PLCL1: variants seen among roughly 807,000 people sequenced by gnomAD.
PLCL1 encodes the protein inactive phospholipase C-like protein 1.
Under a neutral mutation model 84.4 loss-of-function variants are expected in PLCL1, and 41 were observed. The ratio of observed to expected loss-of-function variants is 0.49; its 90% CI spans 0.38 to 0.63. The LOEUF (loss-of-function observed/expected upper bound fraction) is 0.63. PLCL1 is among the 30% of genes least tolerant of loss of function. The probability of loss-of-function intolerance (pLI) is 0.00; values close to 1 mark genes in which losing one functional copy is unlikely to be tolerated. For missense variants in PLCL1, 1,206 were observed against 1,367.8 expected, an observed-to-expected ratio of 0.88 and a Z score of 1.87; for synonymous variants, 490 against 488.3, an observed-to-expected ratio of 1.00 and a Z score of -0.05.
At chr2:198,114,467 A>C (rs933572214) in intron 5 of PLCL1, among the ~76,000 whole-genome samples, 1 of 151,848 alleles carries the variant, frequency 6.6e-6, no homozygotes, top group African/African-American at 2.4e-5. Flanking sequence ...CCAACTTGTG[A>C]AGTTATTGAA....
At chr2:197,962,272 G>A (rs1689638064) in intron 1 of PLCL1, among the ~76,000 whole-genome samples, 1 of 151,924 alleles carries the variant, frequency 6.6e-6, no homozygotes, top group South Asian at 2.1e-4. Flanking sequence ...TTGCAGTTTG[G>A]GACATTTAAA....
Position 198,100,022 on chromosome 2 carries a change from T to G in PLCL1, c.2920-1263T>G, listed in dbSNP as rs565795173. Among the ~76,000 whole-genome samples, 20 of 152,196 alleles carry G rather than the reference T, an allele frequency of 1.3e-4. No homozygotes were observed. The South Asian group carries it at 4.1e-3, about 32-fold the overall frequency. Reference sequence around the variant, plus strand: ...TAGGAAAAATAAGAGTGGAGAAATCTAGAGACAAAAAGAGAGATGGGAGTT... The same window carrying G: ...TAGGAAAAATAAGAGTGGAGAAATCGAGAGACAAAAAGAGAGATGGGAGTT... On this transcript the variant is annotated intron_variant, in intron 3 of 5. Coordinates refer to ENST00000428675, the MANE Select transcript of PLCL1 (RefSeq NM_006226.4).
chr2:198,007,906 C>T (rs1444744031), intron 1 of PLCL1, among the ~76,000 whole-genome samples: 2 of 152,078 alleles, frequency 1.3e-5, no homozygotes, highest in Non-Finnish European at 2.9e-5. Flanking sequence ...AAATATGCCA[C>T]CCAAACCTAG....
chr2:197,895,964 C>T lies in PLCL1; in HGVS notation c.240+90625C>T, dbSNP rs190574243. Among the ~76,000 whole-genome samples, 273 of 151,858 alleles carry T rather than the reference C, an allele frequency of 1.8e-3. 2 individuals carry two copies. The highest frequency in any genetic ancestry group is 2.2e-3 in the Admixed American group (34 of 15,244). ...TGGGGTTTTTTTTGGTAATTGCTGT[C>T]CTCATTCAACATTATATATTATTCT... On this transcript the variant is annotated intron_variant, in intron 1 of 5. Transcript: ENST00000428675.
At chr2:197,873,750 T>C (rs984018103) in intron 1 of PLCL1, among the ~76,000 whole-genome samples, 12 of 152,136 alleles carry the variant, frequency 7.9e-5, no homozygotes, top group African/African-American at 2.7e-4. Flanking sequence ...CTTCCTCCAA[T>C]AGGAAAATCC....
intron 1 of PLCL1, among the ~76,000 whole-genome samples, chr2:197,899,728 C>T (rs1340190121): frequency 6.6e-6 from 1 of 150,916 alleles, no homozygotes. Context: ...CTCCGCCTCC[C>T]AGGTTCACGC....
intron 5 of PLCL1, among the ~76,000 whole-genome samples, chr2:198,116,056 T>G (rs1346638952): frequency 1.3e-5 from 2 of 149,514 alleles, no homozygotes; most frequent in Non-Finnish European, 3.0e-5. Context: ...TGTGTATATA[T>G]GTATATGTGT....
chr2:197,882,471 A>G (rs188867200), intron 1 of PLCL1, among the ~76,000 whole-genome samples: 67 of 152,262 alleles, frequency 4.4e-4, no homozygotes, highest in African/African-American at 1.6e-3. Flanking sequence ...TTTTCTAAAC[A>G]TTTTTTATCC....
At chr2:197,965,060 T>C (rs1574972397) in intron 1 of PLCL1, among the ~76,000 whole-genome samples, 2 of 152,278 alleles carry the variant, frequency 1.3e-5, no homozygotes, top group South Asian at 2.1e-4. Flanking sequence ...ATCAGGGTAA[T>C]ACTGGACTTG....
intron 1 of PLCL1, among the ~76,000 whole-genome samples, chr2:197,908,718 C>T (rs1688429813): frequency 6.6e-6 from 1 of 151,924 alleles, no homozygotes; most frequent in Non-Finnish European, 1.5e-5. Context: ...ATTTAATATC[C>T]TAACTTAAAA....
intron 1 of PLCL1, among the ~76,000 whole-genome samples, chr2:197,852,107 T>C (rs1331805841): frequency 6.6e-6 from 1 of 152,368 alleles, no homozygotes; most frequent in East Asian, 1.9e-4. Context: ...GTTTTTGATG[T>C]ACCGGGTGGT....
At position 197,887,975 on chromosome 2, in the gene PLCL1, C is replaced by A. The variant is rs1298044043; in HGVS notation, c.240+82636C>A. 4.0e-5 allele frequency among the ~76,000 whole-genome samples: 6 copies of A among 151,764 alleles called. No individual in the cohort carries two copies. In the South Asian group the frequency reaches 1.3e-3, roughly 32 times the overall value. On this transcript the variant is annotated intron_variant, in intron 1 of 5. Coordinates refer to ENST00000428675, the MANE Select transcript of PLCL1 (RefSeq NM_006226.4). The stretch of plus-strand genomic sequence containing the variant: ...AGTGCGGTGGTGTGTGGCTCTGGTC[C>A]CAGGTACTTGGGAGGCTGAAGTAGG...
At position 198,084,754 on chromosome 2, in the gene PLCL1, C is replaced by T; in HGVS notation, c.1237C>T (p.His413Tyr). 1 of 1,614,100 alleles carries T rather than the reference C, an allele frequency of 6.2e-7. No individual in the cohort carries two copies. Among genetic ancestry groups the T allele is most frequent in the Non-Finnish European group, 8.5e-7 (1 of 1,179,992 alleles). Residue 413 changes from histidine (H) to tyrosine (Y), a missense_variant, in exon 2 of 6, where the codon CAT becomes TAT. His to Tyr is a moderately conservative substitution (Grantham distance 83). Coordinates refer to ENST00000428675, the MANE Select transcript of PLCL1 (RefSeq NM_006226.4). ...PLSHYYINAS[H>Y]NTYLIEDQFR... ...ATCTCACTACTATATCAATGCCTCT[C>T]ATAACACCTATCTAATAGAAGACCA...
chr2:198,094,308 G>A (rs545820481), intron 3 of PLCL1, among the ~76,000 whole-genome samples: 6 of 152,088 alleles, frequency 3.9e-5, no homozygotes, highest in Non-Finnish European at 7.4e-5. Context: ...TGATCTGCCC[G>A]CCTTGGCCTC....
intron 1 of PLCL1, among the ~76,000 whole-genome samples, chr2:197,844,164 A>G (rs1687072356): frequency 6.6e-6 from 1 of 152,172 alleles, no homozygotes; most frequent in Admixed American, 6.6e-5. Flanking sequence ...TACAAACCTC[A>G]AATAGATAAT....
intron 1 of PLCL1, among the ~76,000 whole-genome samples, chr2:197,822,083 C>A (rs556561944): frequency 6.6e-6 from 1 of 152,172 alleles, no homozygotes; most frequent in African/African-American, 2.4e-5. Context: ...CAAATGTATA[C>A]CATATGTGAA....
At chr2:198,033,828 C>T (rs1188851099) in intron 1 of PLCL1, among the ~76,000 whole-genome samples, 1 of 152,060 alleles carries the variant, frequency 6.6e-6, no homozygotes. Flanking sequence ...ATTCTGTTTC[C>T]AGCCCTCTTC....
chr2:198,011,550 T>C (rs536342734), intron 1 of PLCL1, among the ~76,000 whole-genome samples: 36 of 152,244 alleles, frequency 2.4e-4, no homozygotes, highest in Admixed American at 7.9e-4. Context: ...ATTTTGGGAA[T>C]GTTCCATGTG....
At chr2:197,880,000 T>A (rs984252846) in intron 1 of PLCL1, among the ~76,000 whole-genome samples, 7 of 152,158 alleles carry the variant, frequency 4.6e-5, no homozygotes, top group Non-Finnish European at 8.8e-5. Context: ...AACAATTTTG[T>A]TTTCACATAC....
Sources: allele counts gnomAD v4.1 joint callset (sites outside exome capture counted in the v4.1 genomes callset), GRCh38; gene constraint gnomAD v4.1.1; transcripts MANE v1.5; gene names NCBI Gene and HGNC (gene_info 2026-07-23, HGNC 2026-07-21).